ADAMTSL1: variants seen among roughly 807,000 people sequenced by gnomAD.
ADAMTSL1 encodes the protein ADAMTS-like protein 1.
Under a neutral mutation model 201.8 loss-of-function variants are expected in ADAMTSL1, and 126 were observed. That is an observed-to-expected ratio of 0.62 (90% CI 0.54 to 0.72). The LOEUF (loss-of-function observed/expected upper bound fraction) is 0.72. ADAMTSL1 is among the 30% of genes least tolerant of loss of function. The probability of loss-of-function intolerance (pLI) is 0.00; values close to 1 mark genes in which losing one functional copy is unlikely to be tolerated. For synonymous variants in ADAMTSL1, 1,121 were observed against 903.4 expected (o/e 1.24, Z -4.32); for missense variants, 2,679 against 2,277.8 (o/e 1.18, Z -3.59).
At chr9:18,019,612 A>T (rs959408221) in intron 1 of ADAMTSL1, among the ~76,000 whole-genome samples, 1 of 152,238 alleles carries the variant, frequency 6.6e-6, no homozygotes, top group East Asian at 1.9e-4. Flanking sequence ...GTAGAGAAAG[A>T]CTTACCTGGA....
At chr9:18,199,586 T>C (rs1165226707) in intron 2 of ADAMTSL1, among the ~76,000 whole-genome samples, 1 of 152,170 alleles carries the variant, frequency 6.6e-6, no homozygotes, top group Non-Finnish European at 1.5e-5. Context: ...AAGCTTTCAA[T>C]AGCTCTTAAT....
intron 2 of ADAMTSL1, among the ~76,000 whole-genome samples, chr9:18,529,497 C>T (rs1048977601): frequency 2.0e-5 from 3 of 152,152 alleles, no homozygotes; most frequent in African/African-American, 7.2e-5. Flanking sequence ...CCTCAGCTTT[C>T]TCTGCCTCAG....
intron 1 of ADAMTSL1, among the ~76,000 whole-genome samples, chr9:18,001,916 C>T (rs1819625781): frequency 6.6e-6 from 1 of 151,708 alleles, no homozygotes; most frequent in African/African-American, 2.4e-5. Context: ...TGATGGTGAC[C>T]CAGGAGTGAA....
At chr9:18,468,268 A>C (rs904910147) in intron 2 of ADAMTSL1, among the ~76,000 whole-genome samples, 3 of 152,196 alleles carry the variant, frequency 2.0e-5, no homozygotes, top group Non-Finnish European at 4.4e-5. Context: ...AGGGTACTGA[A>C]CAAGTCTATC....
At chr9:18,267,430 C>G (rs1054714109) in intron 2 of ADAMTSL1, among the ~76,000 whole-genome samples, 20 of 152,088 alleles carry the variant, frequency 1.3e-4, no homozygotes, top group Non-Finnish European at 2.4e-4. Context: ...AGTTCATACA[C>G]AGAAACTTAT....
chr9:18,574,079 A>G lies in ADAMTSL1; in HGVS notation c.287A>G (p.His96Arg). The change falls in exon 4 of 29, where the codon CAT becomes CGT. Residue 96 changes from histidine (H) to arginine (R), a missense_variant. His to Arg is a conservative substitution (Grantham distance 29). Coordinates refer to ENST00000380548, the MANE Select transcript of ADAMTSL1 (RefSeq NM_001040272.6). Reference protein sequence around the residue: ...GDFRAQQCSAHNDVKHHGQFY... With the variant: ...GDFRAQQCSARNDVKHHGQFY... ...TTCCGAGCTCAGCAATGCTCAGCTC[A>G]TAATGATGTCAAGCACCATGGCCAG... is the stretch of plus-strand genomic sequence containing the variant. The G allele has an allele frequency of 1.2e-6, 2 of 1,614,142 alleles. No individual in the cohort carries two copies. Among genetic ancestry groups the G allele is most frequent in the South Asian group, 1.1e-5 (1 of 91,080 alleles).
At chr9:18,667,355 G>A (rs993301241) in intron 9 of ADAMTSL1, among the ~76,000 whole-genome samples, 13 of 151,998 alleles carry the variant, frequency 8.6e-5, no homozygotes, top group African/African-American at 2.9e-4. Flanking sequence ...GTTATGTGTA[G>A]TAGGCATGTA....
chr9:18,457,841 C>T (rs376834319), intron 2 of ADAMTSL1, among the ~76,000 whole-genome samples: 2 of 152,190 alleles, frequency 1.3e-5, no homozygotes, highest in Non-Finnish European at 2.9e-5. Flanking sequence ...TATTATACTT[C>T]AATACAAAGT....
chr9:17,995,781 G>A (rs578176563), intron 1 of ADAMTSL1, among the ~76,000 whole-genome samples: 33 of 151,442 alleles, frequency 2.2e-4, no homozygotes, highest in African/African-American at 6.8e-4. Context: ...AAAAACAGAC[G>A]TACTGTATTA....
intron 2 of ADAMTSL1, among the ~76,000 whole-genome samples, chr9:18,227,321 C>G (rs1160144926): frequency 6.6e-6 from 1 of 151,738 alleles, no homozygotes; most frequent in Admixed American, 6.6e-5. Flanking sequence ...AATCAGATAC[C>G]CTACCCCAAG....
chr9:18,672,105 C>T (rs1829854920), intron 9 of ADAMTSL1, among the ~76,000 whole-genome samples: 1 of 151,556 alleles, frequency 6.6e-6, no homozygotes, highest in Admixed American at 6.6e-5. Flanking sequence ...GAGTTAACTA[C>T]TTTAGGATTT....
intron 2 of ADAMTSL1, among the ~76,000 whole-genome samples, chr9:18,261,801 T>G (rs1315139299): frequency 6.6e-6 from 1 of 152,208 alleles, no homozygotes; most frequent in Non-Finnish European, 1.5e-5. Flanking sequence ...ATATCATATG[T>G]GTTTTCTGGA....
intron 13 of ADAMTSL1, among the ~76,000 whole-genome samples, chr9:18,690,977 T>C (rs1328580113): frequency 2.0e-5 from 3 of 152,192 alleles, no homozygotes; most frequent in Non-Finnish European, 4.4e-5. Flanking sequence ...ATTGCAAAAA[T>C]AACCAGTCTT....
chr9:18,057,551 G>T (rs1234194121), intron 1 of ADAMTSL1, among the ~76,000 whole-genome samples: 1 of 152,110 alleles, frequency 6.6e-6, no homozygotes, highest in Admixed American at 6.5e-5. Context: ...ACAAACAAGG[G>T]AGAAATCATA....
intron 1 of ADAMTSL1, among the ~76,000 whole-genome samples, chr9:18,019,306 T>G (rs964759023): frequency 1.3e-5 from 2 of 152,080 alleles, no homozygotes; most frequent in Admixed American, 1.3e-4. Flanking sequence ...CAGGACTTGG[T>G]TGTTTTCAAA....
At chr9:18,525,221 A>T (rs1289148284) in intron 2 of ADAMTSL1, among the ~76,000 whole-genome samples, 1 of 151,988 alleles carries the variant, frequency 6.6e-6, no homozygotes, top group Non-Finnish European at 1.5e-5. Context: ...TTTCTACTTT[A>T]TTTGCATAGA....
intron 28 of ADAMTSL1, chr9:18,907,970 C>T (rs1402691938): frequency 1.1e-5 from 2 of 183,424 alleles, no homozygotes; most frequent in Admixed American, 1.1e-4. Context: ...GGGATGGGGG[C>T]ACCCGACGCA....
intron 1 of ADAMTSL1, among the ~76,000 whole-genome samples, chr9:17,938,941 C>A (rs542719461): frequency 6.6e-6 from 1 of 152,264 alleles, no homozygotes; most frequent in South Asian, 2.1e-4. Flanking sequence ...AGTCATTAAG[C>A]AGCTTCTCTG....
At chr9:18,864,070 T>C (rs1827364247) in intron 23 of ADAMTSL1, among the ~76,000 whole-genome samples, 2 of 152,216 alleles carry the variant, frequency 1.3e-5, no homozygotes, top group South Asian at 4.1e-4. Context: ...ACACAGCATG[T>C]CCTAATCAGC....
Sources: allele counts gnomAD v4.1 joint callset (sites outside exome capture counted in the v4.1 genomes callset), GRCh38; gene constraint gnomAD v4.1.1; transcripts MANE v1.5; gene names NCBI Gene and HGNC (gene_info 2026-07-23, HGNC 2026-07-21).